The following ANTXR1 variants were observed in gnomAD, a reference collection of about 807,000 sequenced individuals.
ANTXR1 encodes anthrax toxin receptor 1.
In ANTXR1, 19 loss-of-function variants were observed where a neutral mutation model predicts 78.1. The observed-to-expected ratio is 0.24, with a 90% CI of 0.17 to 0.36. The LOEUF (loss-of-function observed/expected upper bound fraction) is 0.36. Ranked by LOEUF, ANTXR1 falls within the 10% of genes least tolerant of loss-of-function variation. The pLI, the probability that ANTXR1 is intolerant of heterozygous loss-of-function variation, is 1.00. For missense variants in ANTXR1, 518 were observed against 718.6 expected, an observed-to-expected ratio of 0.72 and a Z score of 3.19; for synonymous variants, 273 against 260.5, an observed-to-expected ratio of 1.05 and a Z score of -0.46.
chr2:69,094,632 C>T lies in ANTXR1; in HGVS notation c.703+3713C>T, dbSNP rs887271889. On this transcript the variant is annotated intron_variant, in intron 9 of 17. Coordinates refer to ENST00000303714, the MANE Select transcript of ANTXR1 (RefSeq NM_032208.3). ...ACCCAGGTCTGTCCTGCTCAAGACACTCTATGCTGATGATTGCATTCCTCT... is the reference window on the plus strand; with the variant it reads ...ACCCAGGTCTGTCCTGCTCAAGACATTCTATGCTGATGATTGCATTCCTCT... 2.0e-5 allele frequency among the ~76,000 whole-genome samples: 3 copies of T among 152,190 alleles called. No homozygotes were observed. In the South Asian group the frequency reaches 6.2e-4, roughly 32 times the overall value.
intron 12 of ANTXR1, among the ~76,000 whole-genome samples, chr2:69,151,259 T>C (rs964742184): frequency 1.8e-4 from 27 of 151,008 alleles, no homozygotes; most frequent in Admixed American, 6.6e-5. Flanking sequence ...TGGTGATTAT[T>C]TTCTTAGACT....
intron 17 of ANTXR1, among the ~76,000 whole-genome samples, chr2:69,221,809 T>C (rs1484032139): frequency 5.3e-5 from 8 of 152,230 alleles, no homozygotes; most frequent in African/African-American, 9.6e-5. Flanking sequence ...GTGGAGTTAG[T>C]GAGCCCAGGA....
intron 1 of ANTXR1, among the ~76,000 whole-genome samples, chr2:69,037,610 C>T (rs973919436): frequency 2.0e-5 from 3 of 152,160 alleles, no homozygotes; most frequent in Admixed American, 6.5e-5. Flanking sequence ...GCTGGGATTA[C>T]AGGCATACGC....
chr2:69,057,243 C>T (rs1198853206), intron 3 of ANTXR1, among the ~76,000 whole-genome samples: 1 of 152,118 alleles, frequency 6.6e-6, no homozygotes, highest in Non-Finnish European at 1.5e-5. Context: ...TTATACTTGC[C>T]TCCTGTTGAG....
intron 10 of ANTXR1, among the ~76,000 whole-genome samples, chr2:69,118,439 A>G (rs1313983208): frequency 6.6e-6 from 1 of 152,136 alleles, no homozygotes; most frequent in Non-Finnish European, 1.5e-5. Context: ...TCAAAAGAAA[A>G]TAACAAAAAT....
At chr2:69,071,671 A>G (rs1320916358) in intron 4 of ANTXR1, 83 bp from the exon 5 acceptor site, 1 of 1,399,352 alleles carries the variant, frequency 7.1e-7, no homozygotes, top group Non-Finnish European at 1.0e-6. Flanking sequence ...TGCATATTCA[A>G]CAACAGAGCC....
At chr2:69,133,156 A>G (rs982239991) in intron 12 of ANTXR1, among the ~76,000 whole-genome samples, 4 of 152,172 alleles carry the variant, frequency 2.6e-5, no homozygotes, top group Non-Finnish European at 5.9e-5. Context: ...TTCAGGTATA[A>G]CAAGTAGGCA....
intron 11 of ANTXR1, among the ~76,000 whole-genome samples, chr2:69,124,067 G>C (rs2104378890): frequency 6.6e-6 from 1 of 152,342 alleles, no homozygotes; most frequent in South Asian, 2.1e-4. Flanking sequence ...AGAGTGGGAA[G>C]AGATGGAAGA....
intron 12 of ANTXR1, chr2:69,145,190 A>T: frequency 2.4e-6 from 2 of 826,200 alleles, no homozygotes; most frequent in Non-Finnish European, 3.9e-6. Flanking sequence ...GCACAGCCAG[A>T]GGCAGAGTTA....
At chr2:69,228,552 C>T (rs914243272) in intron 17 of ANTXR1, among the ~76,000 whole-genome samples, 1 of 152,174 alleles carries the variant, frequency 6.6e-6, no homozygotes, top group Non-Finnish European at 1.5e-5. Flanking sequence ...GCCATTTCTA[C>T]ATTTTTGAAT....
chr2:69,186,442 G>A (rs1205551559), intron 16 of ANTXR1, among the ~76,000 whole-genome samples: 2 of 152,242 alleles, frequency 1.3e-5, no homozygotes, highest in Non-Finnish European at 1.5e-5. Context: ...TTAGCCTTAT[G>A]TGGTACCATA....
At chr2:69,116,904 T>C (rs1394358674) in intron 10 of ANTXR1, among the ~76,000 whole-genome samples, 1 of 152,258 alleles carries the variant, frequency 6.6e-6, no homozygotes, top group African/African-American at 2.4e-5. Context: ...ATTTCAACCC[T>C]GGTTTTATCC....
intron 1 of ANTXR1, among the ~76,000 whole-genome samples, chr2:69,023,000 T>C (rs1438727144): frequency 3.9e-5 from 6 of 152,214 alleles, no homozygotes; most frequent in African/African-American, 1.4e-4. Context: ...TCCTTTCTCA[T>C]AAGTCTCCCT....
At chr2:69,077,360 C>T (rs1318464227) in intron 7 of ANTXR1, 48 bp from the exon 8 acceptor site, 1 of 1,608,916 alleles carries the variant, frequency 6.2e-7, no homozygotes, top group Non-Finnish European at 8.5e-7. Flanking sequence ...TTTCCACATC[C>T]AAGCCTAACA....
At chr2:69,156,396 T>G (rs1025656079) in intron 13 of ANTXR1, among the ~76,000 whole-genome samples, 1 of 152,182 alleles carries the variant, frequency 6.6e-6, no homozygotes, top group Admixed American at 6.5e-5. Flanking sequence ...TCTTCCTCCT[T>G]TCCTTTCCAC....
intron 1 of ANTXR1, among the ~76,000 whole-genome samples, chr2:69,028,991 C>A (rs1435720506): frequency 6.6e-6 from 1 of 151,794 alleles, no homozygotes; most frequent in Non-Finnish European, 1.5e-5. Flanking sequence ...CCAAGACGGG[C>A]AGATTACTTG....
chr2:69,031,134 A>G (rs1050020049), intron 1 of ANTXR1, among the ~76,000 whole-genome samples: 1 of 152,152 alleles, frequency 6.6e-6, no homozygotes, highest in Non-Finnish European at 1.5e-5. Context: ...CTTCACAGAA[A>G]AAGCTTGCCC....
At chr2:69,227,495 T>A (rs577902598) in intron 17 of ANTXR1, among the ~76,000 whole-genome samples, 1 of 152,210 alleles carries the variant, frequency 6.6e-6, no homozygotes, top group Non-Finnish European at 1.5e-5. Context: ...TAAAATACTG[T>A]CATCAGAAGG....
At chr2:69,235,953 T>C (rs868593273) in intron 17 of ANTXR1, among the ~76,000 whole-genome samples, 3 of 152,100 alleles carry the variant, frequency 2.0e-5, no homozygotes, top group Non-Finnish European at 4.4e-5. Context: ...AGCAAATATA[T>C]CTTACATGGC....
Sources: gnomAD v4.1 joint callset for allele counts (sites outside exome capture counted in the v4.1 genomes callset) on GRCh38, gnomAD v4.1.1 for gene constraint, MANE v1.5 for transcripts, NCBI Gene and HGNC (gene_info 2026-07-23, HGNC 2026-07-21) for gene names.